The following PPP3CA variants were observed in gnomAD, a reference collection of about 807,000 sequenced individuals.
PPP3CA encodes the protein CAM-PRP catalytic subunit.
A neutral mutation model predicts 66.5 loss-of-function variants in PPP3CA; 14 were observed. The ratio of observed to expected loss-of-function variants is 0.21; its 90% CI spans 0.14 to 0.33. The LOEUF is 0.33. Ranked by LOEUF, PPP3CA falls within the 10% of genes least tolerant of loss-of-function variation. The pLI, the probability that PPP3CA is intolerant of heterozygous loss-of-function variation, is 1.00. For missense variants in PPP3CA, 317 were observed against 639.5 expected, an observed-to-expected ratio of 0.50 and a Z score of 5.44; for synonymous variants, 232 against 226.2, an observed-to-expected ratio of 1.03 and a Z score of -0.23.
At chr4:101,175,968 A>G (rs1350058760) in intron 2 of PPP3CA, among the ~76,000 whole-genome samples, 2 of 152,032 alleles carry the variant, frequency 1.3e-5, no homozygotes, top group African/African-American at 4.8e-5. Flanking sequence ...ACAAAACCTT[A>G]CTCCCTCAAG....
intron 3 of PPP3CA, among the ~76,000 whole-genome samples, chr4:101,103,881 T>C (rs567278124): frequency 6.6e-6 from 1 of 152,370 alleles, no homozygotes; most frequent in East Asian, 1.9e-4. Context: ...GATTAGGTAC[T>C]GTAATGCAAT....
intron 2 of PPP3CA, among the ~76,000 whole-genome samples, chr4:101,128,228 T>G (rs1269688530): frequency 6.6e-6 from 1 of 152,146 alleles, no homozygotes; most frequent in Non-Finnish European, 1.5e-5. Context: ...ACAGGATGAC[T>G]AGAATTAATA....
At chr4:101,252,350 G>A (rs1436662151) in intron 1 of PPP3CA, among the ~76,000 whole-genome samples, 3 of 152,024 alleles carry the variant, frequency 2.0e-5, no homozygotes, top group Non-Finnish European at 4.4e-5. Flanking sequence ...ACTTTGGTAG[G>A]GTTGTAAATA....
chr4:101,260,254 A>G (rs1246014130), intron 1 of PPP3CA, among the ~76,000 whole-genome samples: 2 of 152,170 alleles, frequency 1.3e-5, no homozygotes, highest in African/African-American at 4.8e-5. Context: ...AGAGATGGAA[A>G]AGAAATGGTG....
At chr4:101,098,955 T>C (rs1251023778) in intron 4 of PPP3CA, among the ~76,000 whole-genome samples, 1 of 152,166 alleles carries the variant, frequency 6.6e-6, no homozygotes, top group Non-Finnish European at 1.5e-5. Context: ...CCATGACTTA[T>C]ATCTAATGTT....
chr4:101,243,324 C>A (rs535074741), intron 1 of PPP3CA, among the ~76,000 whole-genome samples: 53 of 152,254 alleles, frequency 3.5e-4, no homozygotes, highest in African/African-American at 1.3e-3. Flanking sequence ...GGATATAGAA[C>A]ATATTGCCCA....
intron 1 of PPP3CA, among the ~76,000 whole-genome samples, chr4:101,289,655 ATAATT>A (rs1243202016): frequency 6.6e-6 from 1 of 152,210 alleles, no homozygotes; most frequent in Non-Finnish European, 1.5e-5. Flanking sequence ...ATAAACATAT[ATAATT>A]TAGTGTATAC....
At chr4:101,284,787 C>T (rs144186167) in intron 1 of PPP3CA, among the ~76,000 whole-genome samples, 1,606 of 152,146 alleles carry the variant, frequency 0.011, 27 homozygotes, top group African/African-American at 0.037. Flanking sequence ...GGAGCAACTA[C>T]ATTTTTTGTT....
At chr4:101,239,260 C>T (rs555317051) in intron 1 of PPP3CA, among the ~76,000 whole-genome samples, 2 of 152,210 alleles carry the variant, frequency 1.3e-5, no homozygotes, top group Admixed American at 6.5e-5. Flanking sequence ...CTAAATTCTG[C>T]TTTTCAACAA....
At chr4:101,143,128 C>T (rs752001747) in intron 2 of PPP3CA, among the ~76,000 whole-genome samples, 2 of 152,126 alleles carry the variant, frequency 1.3e-5, no homozygotes, top group Non-Finnish European at 2.9e-5. Flanking sequence ...CTGGGATCCA[C>T]ATTCTCTGTT....
intron 1 of PPP3CA, among the ~76,000 whole-genome samples, chr4:101,238,184 G>C (rs1413272044): frequency 6.6e-6 from 1 of 151,902 alleles, no homozygotes; most frequent in Non-Finnish European, 1.5e-5. Context: ...CAAAGCATAA[G>C]ACAACAGTAA....
At chr4:101,125,021 CAA>C (rs1015358974) in intron 2 of PPP3CA, among the ~76,000 whole-genome samples, 3 of 152,210 alleles carry the variant, frequency 2.0e-5, no homozygotes, top group Non-Finnish European at 4.4e-5. Flanking sequence ...TCAAATGAAG[CAA>C]AGAGTTTCGA....
intron 1 of PPP3CA, among the ~76,000 whole-genome samples, chr4:101,203,915 G>A (rs1408418210): frequency 6.6e-6 from 1 of 152,068 alleles, no homozygotes; most frequent in Non-Finnish European, 1.5e-5. Flanking sequence ...TTATTTTAAT[G>A]GTTTCAAAAT....
intron 2 of PPP3CA, among the ~76,000 whole-genome samples, chr4:101,141,787 G>T (rs1332932135): frequency 6.6e-6 from 1 of 152,106 alleles, no homozygotes; most frequent in Non-Finnish European, 1.5e-5. Flanking sequence ...AGCTTCCCAA[G>T]AACGGAGACT....
At chr4:101,109,858 C>G (rs1721611984) in intron 2 of PPP3CA, among the ~76,000 whole-genome samples, 1 of 152,016 alleles carries the variant, frequency 6.6e-6, no homozygotes, top group South Asian at 2.1e-4. Context: ...CTTTTAAAAA[C>G]TCACTTATTT....
chr4:101,035,293 A>C (rs2732498), intron 11 of PPP3CA, among the ~76,000 whole-genome samples: 55,738 of 149,728 alleles, frequency 0.37, 11,627 homozygotes, highest in Non-Finnish European at 0.48. Flanking sequence ...AAAAAACAAA[A>C]CCCCCCCAAA....
At chr4:101,247,353 C>A (rs1319149462) in intron 1 of PPP3CA, among the ~76,000 whole-genome samples, 1 of 151,802 alleles carries the variant, frequency 6.6e-6, no homozygotes, top group Non-Finnish European at 1.5e-5. Context: ...GTAGAGACGG[C>A]ATTTCACTGT....
chr4:101,031,109 C>T (rs1317937880), intron 12 of PPP3CA, among the ~76,000 whole-genome samples: 1 of 151,770 alleles, frequency 6.6e-6, no homozygotes, highest in African/African-American at 2.4e-5. Context: ...ATATATTCAT[C>T]TGAAAATAAA....
intron 1 of PPP3CA, among the ~76,000 whole-genome samples, chr4:101,215,546 C>G (rs1207993861): frequency 6.6e-6 from 1 of 151,944 alleles, no homozygotes; most frequent in African/African-American, 2.4e-5. Context: ...ATATAATTTA[C>G]TCTTAATTTG....
Sources: gnomAD v4.1 joint callset for allele counts (sites outside exome capture counted in the v4.1 genomes callset) on GRCh38, gnomAD v4.1.1 for gene constraint, MANE v1.5 for transcripts, NCBI Gene and HGNC (gene_info 2026-07-23, HGNC 2026-07-21) for gene names.